BLTP1: variants seen among roughly 807,000 people sequenced by gnomAD.
BLTP1 encodes the protein bridge-like lipid transfer protein family member 1.
the BLTP1 span, chr4:122,304,919 T>C: frequency 1.9e-6 from 3 of 1,613,974 alleles, no homozygotes; most frequent in African/African-American, 2.7e-5. Context: ...AGCAGCTATC[T>C]GAAACTGTTT....
chr4:122,325,424 A>G, the BLTP1 span: 3 of 1,412,186 alleles, frequency 2.1e-6, no homozygotes, highest in African/African-American at 2.9e-5. Flanking sequence ...TCTTACTATA[A>G]TCAAAGTATG....
the BLTP1 span, chr4:122,277,058 T>C: frequency 1.0e-6 from 1 of 985,224 alleles, no homozygotes. Flanking sequence ...CAAGAATCAT[T>C]TGCCCATTTG....
chr4:122,324,339 T>G, the BLTP1 span: 1 of 1,336,734 alleles, frequency 7.5e-7, no homozygotes, highest in Non-Finnish European at 1.0e-6. Flanking sequence ...AAACAACTTA[T>G]TTAATAGTAG....
At chr4:122,207,645 A>G in the BLTP1 span, 1 of 1,552,126 alleles carries the variant, frequency 6.4e-7, no homozygotes, top group East Asian at 2.3e-5. Flanking sequence ...AAGAGTATGT[A>G]TAGTTGAATG....
chr4:122,346,530 A>T, the BLTP1 span: 1 of 1,476,232 alleles, frequency 6.8e-7, no homozygotes, highest in Non-Finnish European at 9.0e-7. Flanking sequence ...CTTAAGTATA[A>T]TTCAGCTGTG....
chr4:122,177,100 A>G, the BLTP1 span, among the ~76,000 whole-genome samples: 1 of 152,184 alleles, frequency 6.6e-6, no homozygotes, highest in Non-Finnish European at 1.5e-5. Context: ...CTCCAATTTT[A>G]TGTGTAACAG....
chr4:122,171,390 A>C, the BLTP1 span, among the ~76,000 whole-genome samples: 4 of 152,088 alleles, frequency 2.6e-5, no homozygotes, highest in Admixed American at 6.5e-5. Context: ...TTTTCATGGG[A>C]GAATGGTATT....
chr4:122,221,014 T>G, the BLTP1 span: 3 of 846,916 alleles, frequency 3.5e-6, no homozygotes, highest in Admixed American at 6.2e-5. Flanking sequence ...ATTTTATTAT[T>G]TTTTTCATGC....
the BLTP1 span, among the ~76,000 whole-genome samples, chr4:122,351,497 C>G: frequency 6.6e-6 from 1 of 152,200 alleles, no homozygotes; most frequent in African/African-American, 2.4e-5. Flanking sequence ...AAAATGTCCT[C>G]TATAATGGTT....
chr4:122,158,220 A>G, the BLTP1 span, among the ~76,000 whole-genome samples: 1 of 152,198 alleles, frequency 6.6e-6, no homozygotes, highest in African/African-American at 2.4e-5. Context: ...TTGTTAGCCA[A>G]TATGAAAAAA....
At chr4:122,316,523 C>T in the BLTP1 span, 1 of 575,428 alleles carries the variant, frequency 1.7e-6, no homozygotes, top group Non-Finnish European at 3.3e-6. Flanking sequence ...CATTTGAAAG[C>T]ATGCAGAGCA....
the BLTP1 span, chr4:122,266,742 A>G: frequency 1.4e-6 from 2 of 1,469,304 alleles, no homozygotes; most frequent in Admixed American, 2.4e-5. Flanking sequence ...AGTAAATGAT[A>G]AGCTGTAAGT....
At chr4:122,184,806 T>C in the BLTP1 span, 1 of 985,396 alleles carries the variant, frequency 1.0e-6, no homozygotes, top group Non-Finnish European at 1.2e-6. Flanking sequence ...TCATACTCTC[T>C]CAGAATATTG....
At chr4:122,316,986 G>C in the BLTP1 span, 1 of 598,240 alleles carries the variant, frequency 1.7e-6, no homozygotes. Flanking sequence ...ATATCACCAG[G>C]GTCCAGAGTT....
chr4:122,315,599 A>G, the BLTP1 span: 5 of 1,613,964 alleles, frequency 3.1e-6, no homozygotes, highest in African/African-American at 1.3e-5. Context: ...AGAGGAAGAC[A>G]TAGATGACAT....
At chr4:122,280,271 T>C in the BLTP1 span, 1 of 762,798 alleles carries the variant, frequency 1.3e-6, no homozygotes, top group Non-Finnish European at 1.6e-6. Context: ...AAAAAGCAAA[T>C]TGGTGAATTC....
chr4:122,251,025 A>G, the BLTP1 span: 5 of 985,066 alleles, frequency 5.1e-6, no homozygotes, highest in East Asian at 1.1e-4. Flanking sequence ...TATTTTTATT[A>G]TGGTAGAATT....
chr4:122,319,425 A>G, the BLTP1 span, among the ~76,000 whole-genome samples: 1 of 149,826 alleles, frequency 6.7e-6, no homozygotes, highest in Non-Finnish European at 1.5e-5. Context: ...TTTCTTTTAT[A>G]TTTTAAAATT....
At chr4:122,165,017 G>A in the BLTP1 span, among the ~76,000 whole-genome samples, 3 of 152,212 alleles carry the variant, frequency 2.0e-5, no homozygotes, top group East Asian at 5.8e-4. Flanking sequence ...ACTGTAAGTA[G>A]GTGCAAGCCT....
Sources: allele counts gnomAD v4.1 joint callset (sites outside exome capture counted in the v4.1 genomes callset), GRCh38; gene constraint gnomAD v4.1.1; transcripts MANE v1.5; gene names NCBI Gene and HGNC (gene_info 2026-07-23, HGNC 2026-07-21).